Variants in DYSF observed in about 807,000 individuals in gnomAD.
DYSF encodes the protein dystrophy-associated fer-1-like 1.
DYSF carries 212 observed loss-of-function variants against 274.9 expected under a neutral mutation model. The ratio of observed to expected loss-of-function variants is 0.77; its 90% CI spans 0.69 to 0.86. The LOEUF is 0.86. Among genes scored for constraint, DYSF ranks in the 40% least tolerant of loss-of-function variants. The probability of loss-of-function intolerance (pLI) is 0.00; values close to 1 mark genes in which losing one functional copy is unlikely to be tolerated. For missense variants in DYSF, 2,666 were observed against 2,783.2 expected, an observed-to-expected ratio of 0.96 and a Z score of 0.95; for synonymous variants, 1,091 against 1,078.7, an observed-to-expected ratio of 1.01 and a Z score of -0.22.
intron 1 of DYSF, among the ~76,000 whole-genome samples, chr2:71,458,188 ATG>A (rs1363146910): frequency 6.6e-6 from 1 of 152,204 alleles, no homozygotes; most frequent in Non-Finnish European, 1.5e-5. Context: ...TGGAGAGTTT[ATG>A]TGTTAGTCCA....
intron 7 of DYSF, 97 bp downstream of exon 7, chr2:71,514,018 T>G: frequency 7.0e-7 from 1 of 1,433,130 alleles, no homozygotes; most frequent in Non-Finnish European, 9.7e-7. Context: ...GGGGAAGATG[T>G]GTGTGGGATC....
intron 14 of DYSF, among the ~76,000 whole-genome samples, chr2:71,531,802 T>C (rs542918150): frequency 5.2e-4 from 79 of 152,258 alleles, no homozygotes; most frequent in African/African-American, 1.8e-3. Context: ...TCTGGCAGGC[T>C]TGAGTCACAG....
rs190390263 is a variant in DYSF at position 71,478,433 on chromosome 2, A to T, written c.92-2450A>T. 5.8e-3 allele frequency among the ~76,000 whole-genome samples: 876 copies of T among 152,022 alleles called. 2 individuals are homozygous for T. The highest frequency in any genetic ancestry group is 1.0e-2 in the Non-Finnish European group (679 of 67,956). On this transcript the variant is annotated intron_variant, in intron 1 of 55. Transcript: ENST00000410020. Reference sequence around the variant, plus strand: ...TCACCGTGTTAGCCAGGATGGTCTCAATCTCCTGGTCTCGTGATCCACCCA... The same window carrying T: ...TCACCGTGTTAGCCAGGATGGTCTCTATCTCCTGGTCTCGTGATCCACCCA...
chr2:71,517,655 CA>C, intron 10 of DYSF, among the ~76,000 whole-genome samples: 1 of 152,208 alleles, frequency 6.6e-6, no homozygotes, highest in Admixed American at 6.5e-5. Context: ...GCAAGGTGCG[CA>C]CGGGAGTTAG....
intron 41 of DYSF, among the ~76,000 whole-genome samples, chr2:71,628,978 ATTAGT>A (rs2094263374): frequency 6.6e-6 from 1 of 152,144 alleles, no homozygotes; most frequent in Non-Finnish European, 1.5e-5. Flanking sequence ...AAAAAGTAAA[ATTAGT>A]TTAATTTAAT....
At chr2:71,478,473 A>C (rs1042437837) in intron 1 of DYSF, among the ~76,000 whole-genome samples, 4 of 152,076 alleles carry the variant, frequency 2.6e-5, no homozygotes, top group Non-Finnish European at 4.4e-5. Context: ...AGCCTCCCAG[A>C]GTGCTGGGAT....
In DYSF at chr2:71,503,312, C is replaced by A; in HGVS notation, c.338C>A (p.Pro113His). The A allele has an allele frequency of 6.2e-7, 1 of 1,614,138 alleles. No homozygotes were observed. The highest frequency in any genetic ancestry group is 8.5e-7 in the Non-Finnish European group (1 of 1,179,994). The change falls in exon 4 of 56, where the codon CCC (proline) becomes CAC (histidine). Residue 113 changes from proline (P) to histidine (H), a missense_variant. Transcript: ENST00000410020. ...NAPLLDTKKQ[P>H]TGASLVLQVS... is the part of the protein sequence containing the mutation. Reference sequence around the variant, plus strand: ...CCCCTGCTGGACACCAAGAAGCAGCCCACAGGGGTAAGTGCCCATCAGCCT... The same window carrying A: ...CCCCTGCTGGACACCAAGAAGCAGCACACAGGGGTAAGTGCCCATCAGCCT...
At chr2:71,604,992 A>G (rs978526129) in intron 36 of DYSF, among the ~76,000 whole-genome samples, 9 of 151,982 alleles carry the variant, frequency 5.9e-5, no homozygotes, top group African/African-American at 2.2e-4. Flanking sequence ...CATCTGGGAC[A>G]CCTCTCTCTG....
chr2:71,563,573 C>T (rs573407176), intron 23 of DYSF, among the ~76,000 whole-genome samples: 49 of 152,230 alleles, frequency 3.2e-4, no homozygotes, highest in East Asian at 5.8e-4. Context: ...CCTGCTGCTA[C>T]GGGAGGAGGG....
At chr2:71,568,479 T>G (rs1333140661) in intron 26 of DYSF, 141 bp downstream of exon 26, 7 of 1,144,924 alleles carry the variant, frequency 6.1e-6, no homozygotes, top group Non-Finnish European at 7.5e-6. Context: ...CGCTGAACTC[T>G]CCCAGGACTG....
intron 39 of DYSF, among the ~76,000 whole-genome samples, chr2:71,613,039 T>C (rs1319084456): frequency 1.3e-5 from 2 of 151,050 alleles, no homozygotes; most frequent in East Asian, 3.9e-4. Flanking sequence ...GGGTGAGGGC[T>C]CAAAGTGGGC....
chr2:71,516,978 T>C lies in DYSF; in HGVS notation c.952-11T>C, dbSNP rs1454822502. The C allele has an allele frequency of 4.3e-6, 7 of 1,614,138 alleles. No individual in the cohort carries two copies. Among genetic ancestry groups the C allele is most frequent in the Non-Finnish European group, 5.1e-6 (6 of 1,179,980 alleles). ...CCTGTGAATGTGAGTTTCCATGATCTTTCTCTGCAGGTGGTAGACTCTCGT... is the reference window on the plus strand; with the variant it reads ...CCTGTGAATGTGAGTTTCCATGATCCTTCTCTGCAGGTGGTAGACTCTCGT... On this transcript the variant is annotated splice_polypyrimidine_tract_variant and intron_variant, in intron 9 of 55. Coordinates refer to ENST00000410020, the MANE Select transcript of DYSF (RefSeq NM_001130987.2).
At chr2:71,558,306 C>T (rs1204508290) in intron 22 of DYSF, among the ~76,000 whole-genome samples, 1 of 152,102 alleles carries the variant, frequency 6.6e-6, no homozygotes, top group Non-Finnish European at 1.5e-5. Flanking sequence ...GTGAGGCATT[C>T]AGGACAGGCT....
rs1573662310 is a variant in DYSF at position 71,516,107 on chromosome 2, T to C, written c.889-73T>C. 7.7e-6 allele frequency: 11 copies of C among 1,437,472 alleles called. No individual in the cohort carries two copies. The South Asian group carries it at 1.0e-4, about 13-fold the overall frequency. 89.0% of individuals were successfully genotyped at this position (1,437,472 alleles called of 1,614,324 possible). A position where few individuals can be genotyped will look rare whatever the true frequency, so the allele number is the denominator to read the frequency against. The stretch of plus-strand genomic sequence containing the variant: ...ACTGCTAGGCGTGGAGGCTTGGGGG[T>C]GGTGGTCCTCCCTCTCCCTGGCCTG... On this transcript the variant is annotated intron_variant, in intron 8 of 55. Transcript: ENST00000410020.
At chr2:71,558,005 C>A (rs1412397383) in intron 22 of DYSF, among the ~76,000 whole-genome samples, 4 of 151,538 alleles carry the variant, frequency 2.6e-5, no homozygotes, top group Admixed American at 6.6e-5. Flanking sequence ...ACACTCCAGA[C>A]TGGGTGACAG....
intron 16 of DYSF, among the ~76,000 whole-genome samples, chr2:71,538,746 A>G (rs984699312): frequency 1.3e-5 from 2 of 152,078 alleles, no homozygotes; most frequent in African/African-American, 4.8e-5. Flanking sequence ...CTTGATCTGG[A>G]CATTTCTTTA....
chr2:71,456,422 G>C (rs1040699109), intron 1 of DYSF, among the ~76,000 whole-genome samples: 1 of 152,020 alleles, frequency 6.6e-6, no homozygotes, highest in African/African-American at 2.4e-5. Flanking sequence ...AGGCCTGCTC[G>C]CTCTCCTTCT....
chr2:71,475,605 A>C (rs761974591), intron 1 of DYSF, among the ~76,000 whole-genome samples: 5 of 152,076 alleles, frequency 3.3e-5, no homozygotes, highest in Non-Finnish European at 7.4e-5. Flanking sequence ...GATCCATCAG[A>C]GTGGGCACAG....
chr2:71,618,764 G>C (rs532743369), intron 40 of DYSF, among the ~76,000 whole-genome samples: 1 of 151,734 alleles, frequency 6.6e-6, no homozygotes, highest in East Asian at 1.9e-4. Flanking sequence ...GTGTGTGTCC[G>C]TGTGAGTGTG....
Sources: allele counts gnomAD v4.1 joint callset (sites outside exome capture counted in the v4.1 genomes callset), GRCh38; gene constraint gnomAD v4.1.1; transcripts MANE v1.5; gene names NCBI Gene and HGNC (gene_info 2026-07-23, HGNC 2026-07-21).